The following DLG2 variants were observed in gnomAD, a reference collection of about 807,000 sequenced individuals.
The protein encoded by DLG2 is discs large MAGUK scaffold protein 2.
Under a neutral mutation model 132.5 loss-of-function variants are expected in DLG2, and 45 were observed. The observed-to-expected ratio is 0.34, with a 90% confidence interval of 0.27 to 0.44. The LOEUF is 0.44. Among genes scored for constraint, DLG2 ranks in the 20% least tolerant of loss-of-function variants. The pLI is 1.00. For missense variants in DLG2, 1,045 were observed against 1,196.9 expected (o/e 0.87, Z 1.87); for synonymous variants, 424 against 419.6 (o/e 1.01, Z -0.13).
At chr11:84,809,147 C>T (rs988778538) in intron 6 of DLG2, among the ~76,000 whole-genome samples, 7 of 151,986 alleles carry the variant, frequency 4.6e-5, no homozygotes, top group Middle Eastern at 3.4e-3. Flanking sequence ...AAAATCAATC[C>T]GTGTACTCAA....
intron 10 of DLG2, among the ~76,000 whole-genome samples, chr11:84,082,975 A>G (rs968822491): frequency 6.6e-6 from 1 of 152,214 alleles, no homozygotes; most frequent in African/African-American, 2.4e-5. Context: ...AGATTTAGCT[A>G]TCAAGAAAAT....
At chr11:84,983,475 A>AG (rs1043760446) in intron 6 of DLG2, among the ~76,000 whole-genome samples, 1 of 152,154 alleles carries the variant, frequency 6.6e-6, no homozygotes, top group Admixed American at 6.5e-5. Context: ...ACCTCATGGG[A>AG]GAAAAAAAAA....
At chr11:84,438,830 T>C (rs1445529218) in intron 7 of DLG2, among the ~76,000 whole-genome samples, 5 of 152,210 alleles carry the variant, frequency 3.3e-5, no homozygotes, top group Admixed American at 6.5e-5. Context: ...TAGTAAATGT[T>C]TTCCAGCTGA....
chr11:83,455,298 C>T lies in DLG2; in HGVS notation c.*4520G>A, dbSNP rs2088764590. On this transcript the variant is annotated 3_prime_UTR_variant, in exon 28 of 28. Transcript: ENST00000376104. Reference sequence around the variant, plus strand: ...AACTCCAGCCTAGGCAAGGAGTATTCCCACCTCCCTCCCATCCTGTGCTAC... The same window carrying T: ...AACTCCAGCCTAGGCAAGGAGTATTTCCACCTCCCTCCCATCCTGTGCTAC... 1 of 152,594 alleles carries T rather than the reference C, an allele frequency of 6.6e-6. No individual in the cohort carries two copies. Among genetic ancestry groups the T allele is most frequent in the African/African-American group, 2.4e-5 (1 of 41,428 alleles). 9.5% of individuals were successfully genotyped at this position (152,594 alleles called of 1,614,324 possible).
rs879376647 is a variant in DLG2, at chr11:85,559,859, G to GAT, written c.40+38797_40+38798insAT. ...AGATAGATAGATAGATAGATAGATA[G>GAT]AGATAAATATCCCTGGTGTAAAGTG... On this transcript the variant is annotated intron_variant, in intron 3 of 27. Coordinates refer to ENST00000376104, the MANE Select transcript of DLG2 (RefSeq NM_001142699.3). Among the ~76,000 whole-genome samples, 32 of 149,794 alleles carry GAT rather than the reference G, an allele frequency of 2.1e-4. No homozygotes were observed. In the East Asian group the frequency reaches 2.7e-3, roughly 13 times the overall value.
intron 3 of DLG2, among the ~76,000 whole-genome samples, chr11:85,339,856 G>A (rs2082366448): frequency 6.6e-6 from 1 of 152,140 alleles, no homozygotes; most frequent in Admixed American, 6.5e-5. Context: ...CTCAAAAGAA[G>A]ACATCTATGG....
intron 3 of DLG2, among the ~76,000 whole-genome samples, chr11:85,342,386 C>G (rs1302524167): frequency 6.6e-6 from 1 of 152,030 alleles, no homozygotes; most frequent in African/African-American, 2.4e-5. Flanking sequence ...TATATGAGGT[C>G]AGGATCATCA....
intron 19 of DLG2, among the ~76,000 whole-genome samples, chr11:83,605,025 G>GAGAGAGAGAGAGAGAGAGAGAGAA (rs1384030952): frequency 1.4e-4 from 22 of 151,974 alleles, no homozygotes; most frequent in Non-Finnish European, 2.8e-4. Context: ...GAGAGAGAGA[G>GAGAGAGAGAGAGAGAGAGAGAGAA]AGAGAGAGAG....
intron 4 of DLG2, among the ~76,000 whole-genome samples, chr11:85,177,222 A>G (rs2152504383): frequency 6.6e-6 from 1 of 151,802 alleles, no homozygotes; most frequent in South Asian, 2.1e-4. Flanking sequence ...CTGCTCCATG[A>G]TAGACTGAAT....
At chr11:84,319,000 CAT>C (rs779012303) in intron 7 of DLG2, among the ~76,000 whole-genome samples, 1 of 152,160 alleles carries the variant, frequency 6.6e-6, no homozygotes, top group East Asian at 1.9e-4. Context: ...GTTCTAGAAA[CAT>C]AAACTATTCC....
Position 83,459,633 on chromosome 11 carries a change from TCC to T in DLG2, c.*183_*184del. 1.9e-6 allele frequency: 1 copy of T among 519,826 alleles called. No homozygotes were observed. The highest frequency in any genetic ancestry group is 3.4e-6 in the Non-Finnish European group (1 of 290,142). 32.2% of individuals were successfully genotyped at this position (519,826 alleles called of 1,614,324 possible). On this transcript the variant is annotated 3_prime_UTR_variant, in exon 28 of 28. Coordinates refer to ENST00000376104, the MANE Select transcript of DLG2 (RefSeq NM_001142699.3). ...CCTTCATACTGCAATGTCTTTTCTG[TCC>T]CACCCTTTGGCCCCTCTGTTTCCTT...
intron 8 of DLG2, among the ~76,000 whole-genome samples, chr11:84,191,933 C>G (rs990190534): frequency 6.6e-6 from 1 of 151,936 alleles, no homozygotes; most frequent in African/African-American, 2.4e-5. Flanking sequence ...ATGCTGAGCA[C>G]GGAGTAACAT....
chr11:83,916,896 T>A (rs1407667151), intron 15 of DLG2, among the ~76,000 whole-genome samples: 2 of 152,146 alleles, frequency 1.3e-5, no homozygotes, highest in South Asian at 2.1e-4. Context: ...AACTGCTATA[T>A]CCGTCACAGA....
chr11:85,187,915 T>C (rs893777725), intron 4 of DLG2, among the ~76,000 whole-genome samples: 3 of 152,086 alleles, frequency 2.0e-5, no homozygotes, highest in Admixed American at 1.3e-4. Context: ...GCAGACTAAT[T>C]GGTAGTTCAA....
At position 84,338,443 on chromosome 11, in the gene DLG2, C is replaced by T. The variant is rs146761928; in HGVS notation, c.520-87152G>A. ...AGGAGTTTCCAATAAATTAATTTTC[C>T]AAATAGTTTAAAATTGTCCTAGCTA... is the stretch of plus-strand genomic sequence containing the variant. On this transcript the variant is annotated intron_variant, in intron 7 of 27. Coordinates refer to ENST00000376104, the MANE Select transcript of DLG2 (RefSeq NM_001142699.3). 2.3e-4 allele frequency among the ~76,000 whole-genome samples: 35 copies of T among 151,900 alleles called. No individual in the cohort carries two copies. In the East Asian group the frequency reaches 6.6e-3, roughly 29 times the overall value.
chr11:84,862,103 G>A (rs555280023), intron 6 of DLG2, among the ~76,000 whole-genome samples: 12 of 151,856 alleles, frequency 7.9e-5, no homozygotes, highest in Middle Eastern at 3.4e-3. Flanking sequence ...GAGTTAGTGC[G>A]TGCAGCGCAC....
At chr11:85,168,435 T>C (rs1256092603) in intron 4 of DLG2, among the ~76,000 whole-genome samples, 2 of 152,140 alleles carry the variant, frequency 1.3e-5, no homozygotes, top group African/African-American at 4.8e-5. Flanking sequence ...CAGAATGATA[T>C]AGTTGGACAA....
chr11:84,683,676 C>G (rs1003638497), intron 6 of DLG2, among the ~76,000 whole-genome samples: 2 of 152,098 alleles, frequency 1.3e-5, no homozygotes, highest in Admixed American at 6.6e-5. Flanking sequence ...GGGCTGAAGT[C>G]GCAGCACCAT....
chr11:85,097,849 T>G (rs1207379300), intron 6 of DLG2, among the ~76,000 whole-genome samples: 1 of 152,178 alleles, frequency 6.6e-6, no homozygotes, highest in Non-Finnish European at 1.5e-5. Flanking sequence ...GTGGTGATTT[T>G]CTCTTTGCTC....
Sources: gnomAD v4.1 joint callset for allele counts (sites outside exome capture counted in the v4.1 genomes callset) on GRCh38, gnomAD v4.1.1 for gene constraint, MANE v1.5 for transcripts, NCBI Gene and HGNC (gene_info 2026-07-23, HGNC 2026-07-21) for gene names.